The following GDF5 variants were observed in gnomAD, a reference collection of about 807,000 sequenced individuals.
GDF5 encodes growth/differentiation factor 5.
A neutral mutation model predicts 34.6 loss-of-function variants in GDF5; 17 were observed. The observed-to-expected ratio is 0.49, with a 90% CI of 0.34 to 0.74. The LOEUF (loss-of-function observed/expected upper bound fraction) is 0.74, where lower values mean the gene tolerates loss of function less well. Among genes scored for constraint, GDF5 ranks in the 30% least tolerant of loss-of-function variants. The pLI is 0.01. For missense variants in GDF5, 616 were observed against 661.2 expected, an observed-to-expected ratio of 0.93 and a Z score of 0.75; for synonymous variants, 332 against 290.7, an observed-to-expected ratio of 1.14 and a Z score of -1.44.
At chr20:35,438,824 CGTGTGTGTGTGTGTGT>C (rs57641919), upstream of GDF5, among the ~76,000 whole-genome samples, 1 of 126,404 alleles carries the variant, frequency 7.9e-6, no homozygotes, top group Non-Finnish European at 1.7e-5. Flanking sequence ...ATTTGTTATG[CGTGTGTGTGTGTGTGT>C]GTGTGTGTGT....
chr20:35,434,896 C>T, intron 1 of GDF5, 113 bp from the exon 2 acceptor site: 2 of 1,113,532 alleles, frequency 1.8e-6, no homozygotes, highest in Non-Finnish European at 1.4e-6. Flanking sequence ...TTTCTTTCAC[C>T]TCTGCCCCAT....
intron 1 of GDF5, 168 bp from the exon 2 acceptor site, chr20:35,434,951 A>C (rs1314197440): frequency 1.3e-6 from 1 of 769,666 alleles, no homozygotes; most frequent in Non-Finnish European, 2.3e-6. Context: ...CTTTTTGAAA[A>C]TGAGAGCATT....
chr20:35,442,409 C>T (rs1273993897), upstream of GDF5, among the ~76,000 whole-genome samples: 1 of 151,882 alleles, frequency 6.6e-6, no homozygotes, highest in Non-Finnish European at 1.5e-5. Flanking sequence ...ATTTTGTAAG[C>T]TCAGAGAGTG....
At chr20:35,440,889 T>C (rs1320423339), upstream of GDF5, among the ~76,000 whole-genome samples, 1 of 152,236 alleles carries the variant, frequency 6.6e-6, no homozygotes, top group Non-Finnish European at 1.5e-5. Context: ...ACGTGTTATA[T>C]GAATAAATTA....
upstream of GDF5, among the ~76,000 whole-genome samples, chr20:35,439,659 G>T (rs1391148894): frequency 6.6e-6 from 1 of 152,084 alleles, no homozygotes; most frequent in Non-Finnish European, 1.5e-5. Flanking sequence ...TAGAGCCCCT[G>T]GGCAACTTAA....
intron 1 of GDF5, among the ~76,000 whole-genome samples, chr20:35,451,696 C>T: frequency 6.6e-6 from 1 of 151,676 alleles, no homozygotes; most frequent in East Asian, 1.9e-4. Context: ...ATCCTCTCAC[C>T]TCATTTTTTT....
Position 35,437,409 on chromosome 20 carries a change from G to A in GDF5, c.520C>T (p.Leu174Phe), listed in dbSNP as rs537953924. 5 of 1,613,010 alleles carry A rather than the reference G, an allele frequency of 3.1e-6. No individual in the cohort carries two copies. The South Asian group carries it at 4.4e-5, about 14-fold the overall frequency. The change falls in exon 1 of 2, where the codon CTC becomes TTC. Residue 174 changes from leucine to phenylalanine, a missense_variant. Physicochemically the swap from Leu to Phe is conservative, Grantham distance 22. Transcript: ENST00000374369. Reference protein sequence around the residue: ...PPPITPHEYMLSLYRTLSDAD... With the variant: ...PPPITPHEYMFSLYRTLSDAD... ...TCGGACAGCGTCCTGTACAGCGAGAGCATGTACTCGTGGGGTGTGATGGGG... is the reference window on the plus strand; with the variant it reads ...TCGGACAGCGTCCTGTACAGCGAGAACATGTACTCGTGGGGTGTGATGGGG...
chr20:35,449,018 T>C (rs1241254808), intron 1 of GDF5, among the ~76,000 whole-genome samples: 1 of 152,212 alleles, frequency 6.6e-6, no homozygotes, highest in Non-Finnish European at 1.5e-5. Context: ...TTCAACCAGA[T>C]GGTGGCATCA....
chr20:35,434,566 C>T lies in GDF5; in HGVS notation c.849G>A (p.Val283=), dbSNP rs775380846. The part of the protein sequence containing the change: ...QPAALLDVRS[V]PGLDGSGWEV... Reference sequence around the variant, plus strand: ...CCCAGCCAGATCCGTCCAGGCCTGGCACGGAGCGCACATCCAGCAAGGCGG... The same window carrying T: ...CCCAGCCAGATCCGTCCAGGCCTGGTACGGAGCGCACATCCAGCAAGGCGG... The change falls in exon 2 of 2, where the codon GTG becomes GTA. Residue 283 remains valine, a synonymous_variant. Coordinates refer to ENST00000374369, the MANE Select transcript of GDF5 (RefSeq NM_000557.5). 1.3e-6 allele frequency: 2 copies of T among 1,588,652 alleles called. No homozygotes were observed. Among genetic ancestry groups the T allele is most frequent in the Non-Finnish European group, 1.7e-6 (2 of 1,166,060 alleles).
At chr20:35,450,809 G>A (rs368840709) in intron 1 of GDF5, among the ~76,000 whole-genome samples, 4 of 151,806 alleles carry the variant, frequency 2.6e-5, no homozygotes, top group South Asian at 2.1e-4. Flanking sequence ...TCCTGGTCAC[G>A]ATACTCCCTA....
In GDF5 at chr20:35,433,365, T is replaced by A. The variant is rs1466129611; in HGVS notation, c.*544A>T. ...GCCACAGTTTTAGGCACAGTTTTGC[T>A]TTTTATCTCATCAATATACATTTAA... is the stretch of plus-strand genomic sequence containing the variant. On this transcript the variant is annotated 3_prime_UTR_variant, in exon 2 of 2. Coordinates refer to ENST00000374369, the MANE Select transcript of GDF5 (RefSeq NM_000557.5). 1 of 318,426 alleles carries A rather than the reference T, an allele frequency of 3.1e-6. No individual in the cohort carries two copies. Among genetic ancestry groups the A allele is most frequent in the Non-Finnish European group, 6.2e-6 (1 of 160,670 alleles). The allele number at this position is 318,426 out of a possible 1,614,324, so 19.7% of individuals were successfully genotyped here.
chr20:35,453,879 G>A, intron 1 of GDF5: 3 of 533,846 alleles, frequency 5.6e-6, no homozygotes, highest in Non-Finnish European at 1.2e-5. Context: ...GCCTTGTGCT[G>A]AGCGCTATAG....
intron 1 of GDF5, among the ~76,000 whole-genome samples, chr20:35,448,413 A>AAAAAAAT (rs1236837477): frequency 2.1e-5 from 2 of 96,478 alleles, no homozygotes; most frequent in African/African-American, 8.1e-5. Context: ...AAAAAAAAAA[A>AAAAAAAT]ATATATATAT....
rs1435551081 is a variant in GDF5, at chr20:35,438,033, C to T, written c.-105G>A. On this transcript the variant is annotated 5_prime_UTR_variant, in exon 1 of 2. Coordinates refer to ENST00000374369, the MANE Select transcript of GDF5 (RefSeq NM_000557.5). ...GAAAGGAGTGGACTTTCAAAAGCAG[C>T]GGCAGCAGCAGTAGCAGCAGAAGGA... 14 of 1,313,820 alleles carry T rather than the reference C, an allele frequency of 1.1e-5. No homozygotes were observed. The highest frequency in any genetic ancestry group is 6.3e-5 in the South Asian group (5 of 79,908). 81.4% of individuals were successfully genotyped at this position (1,313,820 alleles called of 1,614,324 possible). A position where few individuals can be genotyped will look rare whatever the true frequency, so the allele number is the denominator to read the frequency against.
Position 35,449,378 on chromosome 20 carries a change from C to A in GDF5, c.-398+5262G>T, listed in dbSNP as rs531132902. Among the ~76,000 whole-genome samples the A allele has an allele frequency of 2.6e-4, 40 of 152,124 alleles. No homozygotes were observed. In the South Asian group the frequency reaches 8.1e-3, roughly 31 times the overall value. ...GCAGCCTCAACCTCCTGGGCTCAAG[C>A]GATCCTTCCTACCTCAGCCTCCAGA... On this transcript the variant is annotated intron_variant, in intron 1 of 3. Coordinates refer to the GDF5 transcript ENST00000374372.
At chr20:35,449,457 A>G (rs1258654075) in intron 1 of GDF5, among the ~76,000 whole-genome samples, 1 of 151,990 alleles carries the variant, frequency 6.6e-6, no homozygotes, top group Non-Finnish European at 1.5e-5. Context: ...TAGCGTTTTT[A>G]TCCTTCACAA....
At chr20:35,441,847 ATGC>A (rs1466242272), upstream of GDF5, among the ~76,000 whole-genome samples, 1 of 152,040 alleles carries the variant, frequency 6.6e-6, no homozygotes, top group Non-Finnish European at 1.5e-5. Flanking sequence ...CTTCATGACA[ATGC>A]TATGAAGGTA....
chr20:35,441,087 C>T (rs765502297), upstream of GDF5: 17 of 152,354 alleles, frequency 1.1e-4, no homozygotes, highest in Admixed American at 7.2e-4. Context: ...CACAATGTCT[C>T]TGTACGTGGC....
upstream of GDF5, among the ~76,000 whole-genome samples, chr20:35,439,260 C>T (rs548029861): frequency 8.9e-5 from 12 of 134,292 alleles, no homozygotes; most frequent in East Asian, 2.3e-4. Context: ...TTTTTTGAGA[C>T]GGAGTCTCGC....
Sources: gnomAD v4.1 joint callset for allele counts (sites outside exome capture counted in the v4.1 genomes callset) on GRCh38, gnomAD v4.1.1 for gene constraint, MANE v1.5 for transcripts, NCBI Gene and HGNC (gene_info 2026-07-23, HGNC 2026-07-21) for gene names.